Variants in PPWD1 observed in about 807,000 individuals in gnomAD.
PPWD1 encodes peptidylprolyl isomerase domain and WD repeat-containing protein 1.
A neutral mutation model predicts 68.8 loss-of-function variants in PPWD1; 43 were observed. The observed-to-expected ratio is 0.62, with a 90% CI of 0.49 to 0.81. The LOEUF (loss-of-function observed/expected upper bound fraction) is 0.81. Ranked by LOEUF, PPWD1 falls within the 30% of genes least tolerant of loss-of-function variation. The pLI is 0.00. For synonymous variants in PPWD1, 232 were observed against 258.7 expected (o/e 0.90, Z 0.99); for missense variants, 672 against 804.8 (o/e 0.83, Z 2.00).
chr5:65,581,381 CCAAGACCTGCCTGGGCAACATAG>C (rs1410798721), intron 7 of PPWD1, among the ~76,000 whole-genome samples: 1 of 152,072 alleles, frequency 6.6e-6, no homozygotes, highest in East Asian at 1.9e-4. Flanking sequence ...GAGCCCAGGA[CCAAGACCTGCCTGGGCAACATAG>C]CAAGACCTCA....
At chr5:65,585,774 TGTCTATAAATG>T (rs1465692442) in intron 9 of PPWD1, among the ~76,000 whole-genome samples, 1 of 152,120 alleles carries the variant, frequency 6.6e-6, no homozygotes, top group Non-Finnish European at 1.5e-5. Context: ...AGACAGAACA[TGTCTATAAATG>T]AGAAGACGAC....
Position 65,572,208 on chromosome 5 carries a change from T to C in PPWD1, c.891T>C (p.Thr297=). 6.2e-7 allele frequency: 1 copy of C among 1,613,084 alleles called. No homozygotes were observed. Among genetic ancestry groups the C allele is most frequent in the African/African-American group, 1.3e-5 (1 of 75,040 alleles). ...CFSPDGKKIA[T]IGSDRKVRIF... is the part of the protein sequence containing the mutation. ...CACCAGATGGGAAGAAAATAGCTACTATTGGTTCTGATAGAAAAGTTAGAA... is the reference window on the plus strand; with the variant it reads ...CACCAGATGGGAAGAAAATAGCTACCATTGGTTCTGATAGAAAAGTTAGAA... Residue 297 remains threonine, a synonymous_variant, in exon 5 of 11, where the codon ACT becomes ACC. Coordinates refer to ENST00000261308, the MANE Select transcript of PPWD1 (RefSeq NM_015342.4).
chr5:65,569,430 C>T lies in PPWD1; in HGVS notation c.300-202C>T, dbSNP rs78461669. ...CTAGCTCTTGAGGTTAAAATTAGTA[C>T]AGCTGTAACTGTTTTGACATCCAGA... On this transcript the variant is annotated intron_variant, in intron 2 of 10. Transcript: ENST00000261308. 1,774 of 402,414 alleles carry T rather than the reference C, an allele frequency of 4.4e-3. 35 individuals carry two copies. Among genetic ancestry groups the T allele is most frequent in the African/African-American group, 0.031 (1,485 of 47,246 alleles). 24.9% of individuals were successfully genotyped at this position (402,414 alleles called of 1,614,324 possible).
In PPWD1 at chr5:65,586,197, T is replaced by A; in HGVS notation, c.1797+16T>A. 6.2e-7 allele frequency: 1 copy of A among 1,600,298 alleles called. No homozygotes were observed. The highest frequency in any genetic ancestry group is 8.5e-7 in the Non-Finnish European group (1 of 1,171,924). The stretch of plus-strand genomic sequence containing the variant: ...AGTACCAACGGTAAGTACAGTATCA[T>A]TGTTTATAAACTACAGATTGATAGG... On this transcript the variant is annotated intron_variant, in intron 10 of 10. Transcript: ENST00000261308.
At chr5:65,563,823 T>G in intron 1 of PPWD1, 1 of 1,504,378 alleles carries the variant, frequency 6.6e-7, no homozygotes, top group Admixed American at 2.0e-5. Context: ...AAGTTGGAAT[T>G]TCGAACTCTT....
At chr5:65,586,238 G>A (rs1220030556) in intron 10 of PPWD1, 57 bp downstream of exon 10, 3 of 1,494,798 alleles carry the variant, frequency 2.0e-6, no homozygotes, top group Admixed American at 3.9e-5. Context: ...ATGTAAGAGA[G>A]TGAACTCAGT....
intron 1 of PPWD1, chr5:65,563,794 T>A: frequency 6.7e-7 from 1 of 1,500,488 alleles, no homozygotes; most frequent in Non-Finnish European, 9.0e-7. Flanking sequence ...TCTCATTTAC[T>A]CCCCACAGCA....
chr5:65,566,427 T>G lies in PPWD1; in HGVS notation c.197-1086T>G, dbSNP rs954706802. On this transcript the variant is annotated intron_variant, in intron 1 of 10. Coordinates refer to ENST00000261308, the MANE Select transcript of PPWD1 (RefSeq NM_015342.4). ...GAGGAAAGGAAGAAGGGTACACTTTTTCAAGACTTCCTGTGACAAAACATT... is the reference window on the plus strand; with the variant it reads ...GAGGAAAGGAAGAAGGGTACACTTTGTCAAGACTTCCTGTGACAAAACATT... Among the ~76,000 whole-genome samples the G allele has an allele frequency of 5.9e-5, 9 of 152,202 alleles. 1 individual carries two copies. The highest frequency in any genetic ancestry group is 2.2e-4 in the African/African-American group (9 of 41,434).
chr5:65,584,141 T>G (rs1753717044), intron 8 of PPWD1, among the ~76,000 whole-genome samples: 1 of 152,194 alleles, frequency 6.6e-6, no homozygotes, highest in Admixed American at 6.5e-5. Context: ...TTTATTAACA[T>G]TTTGAATATG....
At chr5:65,575,023 A>G (rs1753221222) in intron 5 of PPWD1, among the ~76,000 whole-genome samples, 1 of 152,222 alleles carries the variant, frequency 6.6e-6, no homozygotes, top group African/African-American at 2.4e-5. Flanking sequence ...ACCAGTCGGA[A>G]TCCTAGTTTA....
At chr5:65,567,397 A>G in intron 1 of PPWD1, 116 bp from the exon 2 acceptor site, 1 of 1,351,060 alleles carries the variant, frequency 7.4e-7, no homozygotes, top group Non-Finnish European at 9.7e-7. Context: ...GAGAAAAACT[A>G]AAATCCAGGA....
chr5:65,569,801 A>C, intron 3 of PPWD1, 69 bp downstream of exon 3: 2 of 1,551,546 alleles, frequency 1.3e-6, no homozygotes, highest in Non-Finnish European at 1.7e-6. Flanking sequence ...AAATTTTTTA[A>C]ATTTTTTTTC....
At chr5:65,585,833 A>G (rs2150611135) in intron 9 of PPWD1, 166 bp from the exon 10 acceptor site, 1 of 787,696 alleles carries the variant, frequency 1.3e-6, no homozygotes, top group Non-Finnish European at 1.5e-6. Flanking sequence ...GTGGTTGGGC[A>G]ATGGAAATAC....
At chr5:65,570,717 A>G (rs575878300) in intron 4 of PPWD1, among the ~76,000 whole-genome samples, 22 of 152,068 alleles carry the variant, frequency 1.4e-4, no homozygotes, top group African/African-American at 4.6e-4. Flanking sequence ...ACTTCTCCCT[A>G]TGTTCTCCCA....
intron 7 of PPWD1, chr5:65,582,718 G>GACT: frequency 5.7e-6 from 1 of 174,858 alleles, no homozygotes; most frequent in East Asian, 1.6e-4. Flanking sequence ...GGCCTTACTA[G>GACT]AAGGCATAAG....
intron 8 of PPWD1, among the ~76,000 whole-genome samples, chr5:65,583,556 C>G (rs1561732798): frequency 6.6e-6 from 1 of 152,170 alleles, no homozygotes; most frequent in Non-Finnish European, 1.5e-5. Context: ...TTGCTTTCCT[C>G]TCAAAGCAAA....
At chr5:65,576,373 ATTTTTTTT>A (rs1188571148) in intron 5 of PPWD1, 1 of 701,506 alleles carries the variant, frequency 1.4e-6, no homozygotes, top group Non-Finnish European at 1.7e-6. Flanking sequence ...TTGAAATACA[ATTTTTTTT>A]TTTTTTTTTT....
chr5:65,584,899 T>G (rs1753759339), intron 8 of PPWD1, 115 bp from the exon 9 acceptor site: 1 of 1,402,340 alleles, frequency 7.1e-7, no homozygotes, highest in Non-Finnish European at 9.4e-7. Context: ...ACAACTGTCC[T>G]TCTGAAACAT....
At chr5:65,580,902 T>G (rs1753564862) in intron 7 of PPWD1, among the ~76,000 whole-genome samples, 1 of 152,234 alleles carries the variant, frequency 6.6e-6, no homozygotes, top group Non-Finnish European at 1.5e-5. Flanking sequence ...GTCACACTTT[T>G]TGTGTGAACA....
Sources: gnomAD v4.1 joint callset for allele counts (sites outside exome capture counted in the v4.1 genomes callset) on GRCh38, gnomAD v4.1.1 for gene constraint, MANE v1.5 for transcripts, NCBI Gene and HGNC (gene_info 2026-07-23, HGNC 2026-07-21) for gene names.